QPCT: variants seen among roughly 807,000 people sequenced by gnomAD.
The protein encoded by QPCT is glutaminyl-peptide cyclotransferase, also known as EC.
A neutral mutation model predicts 43.4 loss-of-function variants in QPCT; 44 were observed. That is an observed-to-expected ratio of 1.01 (90% CI 0.80 to 1.30). The LOEUF is 1.30. QPCT is among the 50% of genes most tolerant of loss of function. The pLI is 0.00. For synonymous variants in QPCT, 168 were observed against 168.4 expected, an observed-to-expected ratio of 1.00 and a Z score of 0.02; for missense variants, 526 against 436.5, an observed-to-expected ratio of 1.21 and a Z score of -1.83.
At chr2:37,370,129 G>A (rs1344936708) in intron 5 of QPCT, among the ~76,000 whole-genome samples, 2 of 152,166 alleles carry the variant, frequency 1.3e-5, no homozygotes, top group Non-Finnish European at 2.9e-5. Context: ...AAGTTGCAGT[G>A]AGCCAAGATG....
At chr2:37,358,589 T>A (rs1352261634) in intron 2 of QPCT, 1 of 152,234 alleles carries the variant, frequency 6.6e-6, no homozygotes, top group East Asian at 1.9e-4. Context: ...TATAATATGT[T>A]CTTTAAAAAA....
At chr2:37,360,007 A>T in intron 3 of QPCT, 149 bp downstream of exon 3, 4 of 844,618 alleles carry the variant, frequency 4.7e-6, no homozygotes, top group Non-Finnish European at 7.2e-6. Flanking sequence ...GTAAGATTGC[A>T]TGATTGGGAA....
chr2:37,364,680 G>A (rs540465374), intron 3 of QPCT, among the ~76,000 whole-genome samples: 1 of 152,264 alleles, frequency 6.6e-6, no homozygotes, highest in East Asian at 1.9e-4. Context: ...AACTGCAAGG[G>A]GGGTTTTGCC....
chr2:37,350,309 G>C (rs6706962), intron 1 of QPCT, among the ~76,000 whole-genome samples: 191 of 152,326 alleles, frequency 1.3e-3, no homozygotes, highest in Non-Finnish European at 2.4e-3. Flanking sequence ...ATTAACCATG[G>C]AAGTCTTCTG....
At chr2:37,369,921 G>A (rs957423145) in intron 5 of QPCT, 137 bp downstream of exon 5, 12 of 752,720 alleles carry the variant, frequency 1.6e-5, no homozygotes, top group Admixed American at 2.3e-5. Flanking sequence ...GGAGGCCAAG[G>A]CAGGCAGATC....
chr2:37,352,730 C>A, intron 1 of QPCT, 59 bp from the exon 2 acceptor site: 1 of 1,554,596 alleles, frequency 6.4e-7, no homozygotes, highest in South Asian at 1.1e-5. Flanking sequence ...GAAAACATGT[C>A]AGAGTCTTAA....
rs1345158913 is a variant in QPCT at position 37,344,984 on chromosome 2, C to A, written c.120+133C>A. ...CGGTCCCCAGCCCAGGCACCGGCGC[C>A]CCACCCGGCGCCCGGAGGAGTCGGG... On this transcript the variant is annotated intron_variant, in intron 1 of 6. Coordinates refer to ENST00000338415, the MANE Select transcript of QPCT (RefSeq NM_012413.4). 4.5e-6 allele frequency: 6 copies of A among 1,327,330 alleles called. No homozygotes were observed. In the East Asian group the frequency reaches 1.7e-4, roughly 38 times the overall value. The allele number at this position is 1,327,330 out of a possible 1,614,324, so 82.2% of individuals were successfully genotyped here. A position where few individuals can be genotyped will look rare whatever the true frequency, so the allele number is the denominator to read the frequency against.
chr2:37,354,571 T>A (rs1354700436), intron 2 of QPCT, among the ~76,000 whole-genome samples: 1 of 152,206 alleles, frequency 6.6e-6, no homozygotes, highest in African/African-American at 2.4e-5. Flanking sequence ...GAGATCTCTA[T>A]CCTGTCACTG....
chr2:37,363,459 C>CAAA (rs760030748), intron 3 of QPCT, among the ~76,000 whole-genome samples: 1,217 of 47,700 alleles, frequency 0.026, 50 homozygotes, highest in African/African-American at 0.065. Context: ...TCCCTCTCTA[C>CAAA]AAAAAAAAAA....
chr2:37,347,293 C>T (rs574100620), intron 1 of QPCT, among the ~76,000 whole-genome samples: 151 of 139,228 alleles, frequency 1.1e-3, no homozygotes, highest in South Asian at 8.7e-3. Context: ...ACAGCAAGCC[C>T]CATGAGGAAG....
intron 3 of QPCT, 186 bp from the exon 4 acceptor site, chr2:37,367,046 A>G (rs1672978302): frequency 1.7e-6 from 1 of 603,508 alleles, no homozygotes. Flanking sequence ...ATGGGTGAAG[A>G]CTGTGGGAGG....
intron 2 of QPCT, among the ~76,000 whole-genome samples, chr2:37,357,194 T>C (rs1323049614): frequency 6.6e-6 from 1 of 152,190 alleles, no homozygotes; most frequent in East Asian, 1.9e-4. Context: ...CCAATTCATT[T>C]TGTGAGCTTG....
chr2:37,361,857 G>T (rs893125234), intron 3 of QPCT, among the ~76,000 whole-genome samples: 1 of 152,182 alleles, frequency 6.6e-6, no homozygotes, highest in Non-Finnish European at 1.5e-5. Context: ...CTGTGTGAAC[G>T]CTGGTAATTA....
At chr2:37,352,036 A>T (rs1285250231) in intron 1 of QPCT, among the ~76,000 whole-genome samples, 4 of 152,068 alleles carry the variant, frequency 2.6e-5, no homozygotes, top group African/African-American at 9.7e-5. Context: ...CTTCAAAAAA[A>T]AAAAAAAGAT....
At chr2:37,366,992 T>A (rs1672977312) in intron 3 of QPCT, 1 of 445,862 alleles carries the variant, frequency 2.2e-6, no homozygotes, top group Non-Finnish European at 4.0e-6. Context: ...AGAAAAAATA[T>A]AAAAGACTTC....
At chr2:37,368,386 C>T (rs1199500878) in intron 4 of QPCT, 1 of 200,676 alleles carries the variant, frequency 5.0e-6, no homozygotes, top group Non-Finnish European at 1.0e-5. Flanking sequence ...GTCCCCACGT[C>T]TTCACTAACC....
At chr2:37,365,878 T>G (rs1182164331) in intron 3 of QPCT, among the ~76,000 whole-genome samples, 3 of 152,170 alleles carry the variant, frequency 2.0e-5, no homozygotes, top group Non-Finnish European at 4.4e-5. Context: ...CCAGTCAACA[T>G]GAAAGGCCAA....
intron 1 of QPCT, among the ~76,000 whole-genome samples, chr2:37,351,266 A>G (rs1288230138): frequency 6.6e-6 from 1 of 152,186 alleles, no homozygotes; most frequent in Non-Finnish European, 1.5e-5. Context: ...CAATATTCTT[A>G]TGTCATCCTC....
chr2:37,365,247 G>A (rs1672939446), intron 3 of QPCT, among the ~76,000 whole-genome samples: 1 of 152,102 alleles, frequency 6.6e-6, no homozygotes. Context: ...GATGAAGGGA[G>A]CCATTAGTGC....
Sources: allele counts gnomAD v4.1 joint callset (sites outside exome capture counted in the v4.1 genomes callset), GRCh38; gene constraint gnomAD v4.1.1; transcripts MANE v1.5; gene names NCBI Gene and HGNC (gene_info 2026-07-23, HGNC 2026-07-21).